COPA: variants seen among roughly 807,000 people sequenced by gnomAD.
The protein encoded by COPA is coat protein complex I subunit alpha.
COPA carries 10 observed loss-of-function variants against 158.7 expected under a neutral mutation model. The ratio of observed to expected loss-of-function variants is 0.06; its 90% CI spans 0.04 to 0.11. COPA has a LOEUF of 0.11. Among genes scored for constraint, COPA ranks in the 10% least tolerant of loss-of-function variants. The probability of loss-of-function intolerance (pLI) is 1.00; values close to 1 mark genes in which losing one functional copy is unlikely to be tolerated. For synonymous variants in COPA, 462 were observed against 542.8 expected (o/e 0.85, Z 2.07); for missense variants, 1,065 against 1,536.7 (o/e 0.69, Z 5.13).
At chr1:160,298,455 G>A (rs1658488116) in intron 19 of COPA, among the ~76,000 whole-genome samples, 1 of 152,290 alleles carries the variant, frequency 6.6e-6, no homozygotes, top group African/African-American at 2.4e-5. Context: ...GTTTTCATAA[G>A]CTCTTTTCGC....
intron 7 of COPA, among the ~76,000 whole-genome samples, chr1:160,324,447 C>A (rs528075810): frequency 6.9e-6 from 1 of 144,364 alleles, no homozygotes; most frequent in Non-Finnish European, 1.5e-5. Flanking sequence ...AGCACCACCA[C>A]GCCCAGCTAA....
intron 17 of COPA, among the ~76,000 whole-genome samples, chr1:160,303,874 G>C (rs1658695589): frequency 6.6e-6 from 1 of 152,166 alleles, no homozygotes; most frequent in South Asian, 2.1e-4. Context: ...AAATCCTACT[G>C]GATGGCCAGA....
intron 17 of COPA, among the ~76,000 whole-genome samples, chr1:160,302,225 CTG>C (rs1383966229): frequency 6.6e-6 from 1 of 152,058 alleles, no homozygotes; most frequent in South Asian, 2.1e-4. Flanking sequence ...ATTGAATTAA[CTG>C]TATTTCTAAA....
intron 10 of COPA, among the ~76,000 whole-genome samples, chr1:160,312,304 T>C (rs1174082528): frequency 2.6e-5 from 4 of 152,232 alleles, no homozygotes; most frequent in Non-Finnish European, 5.9e-5. Flanking sequence ...CTTATCATCC[T>C]GCACTGTAAT....
intron 17 of COPA, among the ~76,000 whole-genome samples, chr1:160,304,213 C>T (rs769079267): frequency 1.5e-4 from 23 of 151,274 alleles, no homozygotes; most frequent in Non-Finnish European, 2.9e-4. Flanking sequence ...AGGGTTTCTC[C>T]ATGTTGCTCA....
intron 30 of COPA, 122 bp from the exon 31 acceptor site, chr1:160,291,618 G>A: frequency 7.9e-7 from 1 of 1,272,412 alleles, no homozygotes; most frequent in Non-Finnish European, 1.1e-6. Flanking sequence ...ATAAAGCTGA[G>A]AGGTCTTCTA....
intron 1 of COPA, among the ~76,000 whole-genome samples, chr1:160,341,372 T>C (rs1200904983): frequency 1.3e-5 from 2 of 152,242 alleles, no homozygotes; most frequent in Non-Finnish European, 2.9e-5. Flanking sequence ...CTCATTCTTT[T>C]TAACTACAAG....
chr1:160,334,615 G>A (rs1211553048), intron 4 of COPA, among the ~76,000 whole-genome samples: 1 of 152,102 alleles, frequency 6.6e-6, no homozygotes, highest in Non-Finnish European at 1.5e-5. Context: ...CTTAATTAAA[G>A]AGACTTAATT....
intron 28 of COPA, 86 bp downstream of exon 28, chr1:160,292,398 A>G: frequency 6.3e-7 from 1 of 1,599,382 alleles, no homozygotes; most frequent in Non-Finnish European, 8.5e-7. Context: ...TAGCTCTGAG[A>G]GAATTCTGAC....
chr1:160,322,735 T>C (rs1659365262), intron 8 of COPA, among the ~76,000 whole-genome samples: 1 of 152,116 alleles, frequency 6.6e-6, no homozygotes, highest in Admixed American at 6.6e-5. Context: ...TCCTGCACTG[T>C]TGGTGGGAAT....
In COPA at chr1:160,294,666, C is replaced by T. The variant is rs1473467996; in HGVS notation, c.2567-73G>A. 3.1e-6 allele frequency: 5 copies of T among 1,599,290 alleles called. No individual in the cohort carries two copies. The Admixed American group carries it at 6.7e-5, about 21-fold the overall frequency. The stretch of plus-strand genomic sequence containing the variant: ...CTTAGCCAAAGGAAGTAAAATCAAT[C>T]CTAGTTCGTTTCATGGCCTGGAAGT... On this transcript the variant is annotated intron_variant, in intron 24 of 32. Transcript: ENST00000241704.
intron 8 of COPA, among the ~76,000 whole-genome samples, chr1:160,322,274 T>TG (rs1475329148): frequency 6.6e-6 from 1 of 151,926 alleles, no homozygotes; most frequent in African/African-American, 2.4e-5. Context: ...CATAAACCAA[T>TG]GGAACAGAAC....
At chr1:160,334,751 A>G (rs1050050742) in intron 4 of COPA, among the ~76,000 whole-genome samples, 5 of 152,194 alleles carry the variant, frequency 3.3e-5, no homozygotes, top group Admixed American at 6.5e-5. Context: ...TAAATCTACT[A>G]TGTTACCTGG....
At chr1:160,308,987 G>A in intron 13 of COPA, 114 bp downstream of exon 13, 1 of 803,408 alleles carries the variant, frequency 1.2e-6, no homozygotes, top group South Asian at 1.6e-5. Context: ...CCTGCCAACA[G>A]ACATGAGTGA....
intron 4 of COPA, 137 bp downstream of exon 4, chr1:160,335,105 G>A: frequency 1.6e-6 from 1 of 616,248 alleles, no homozygotes. Flanking sequence ...AAGCAGAAAG[G>A]ACAATACCAC....
intron 21 of COPA, among the ~76,000 whole-genome samples, chr1:160,296,625 A>G (rs1370703846): frequency 2.0e-5 from 3 of 152,238 alleles, no homozygotes; most frequent in Non-Finnish European, 4.4e-5. Context: ...CCTAAGCCGG[A>G]GGCACCTAGC....
intron 8 of COPA, among the ~76,000 whole-genome samples, chr1:160,320,608 C>CAAACAAAAA (rs1659299938): frequency 6.5e-5 from 1 of 15,502 alleles, no homozygotes; most frequent in Non-Finnish European, 1.0e-4. Flanking sequence ...GACTCCAACT[C>CAAACAAAAA]AAAAAAAAAA....
intron 21 of COPA, among the ~76,000 whole-genome samples, chr1:160,296,842 T>G (rs75629896): frequency 0.11 from 16,263 of 152,228 alleles, 979 homozygotes; most frequent in South Asian, 0.23. Flanking sequence ...TGTTTCTACC[T>G]TAAAATATAT....
At chr1:160,325,780 AAG>A (rs1659472859) in intron 6 of COPA, 128 bp from the exon 7 acceptor site, 2 of 687,004 alleles carry the variant, frequency 2.9e-6, no homozygotes, top group Non-Finnish European at 5.0e-6. Flanking sequence ...GAAGAAAGAA[AAG>A]AGACTCAAGA....
Sources: gnomAD v4.1 joint callset for allele counts (sites outside exome capture counted in the v4.1 genomes callset) on GRCh38, gnomAD v4.1.1 for gene constraint, MANE v1.5 for transcripts, NCBI Gene and HGNC (gene_info 2026-07-23, HGNC 2026-07-21) for gene names.